The following ENTREP2 variants were observed in gnomAD, a reference collection of about 807,000 sequenced individuals.
ENTREP2 encodes protein ENTREP2.
chr15:29,406,677 A>C, the ENTREP2 span, among the ~76,000 whole-genome samples: 3 of 152,196 alleles, frequency 2.0e-5, no homozygotes, highest in Non-Finnish European at 2.9e-5. Context: ...AGAAGCTGCC[A>C]CTTACAACAA....
chr15:29,320,732 A>G, the ENTREP2 span, among the ~76,000 whole-genome samples: 1 of 152,232 alleles, frequency 6.6e-6, no homozygotes, highest in South Asian at 2.1e-4. Flanking sequence ...TGTAACAGAA[A>G]TGAAAATTGC....
At chr15:29,408,301 GAC>G in the ENTREP2 span, among the ~76,000 whole-genome samples, 1 of 152,138 alleles carries the variant, frequency 6.6e-6, no homozygotes, top group African/African-American at 2.4e-5. Context: ...AGAGGAGGGA[GAC>G]ACAAAAATAA....
the ENTREP2 span, among the ~76,000 whole-genome samples, chr15:29,645,339 A>T: frequency 6.6e-6 from 1 of 152,202 alleles, no homozygotes; most frequent in Non-Finnish European, 1.5e-5. Flanking sequence ...TGTGTCCAGC[A>T]TCAAAGGAGG....
the ENTREP2 span, among the ~76,000 whole-genome samples, chr15:29,167,610 C>T: frequency 6.6e-6 from 1 of 152,214 alleles, no homozygotes; most frequent in African/African-American, 2.4e-5. Context: ...ATCAAAACCA[C>T]AGTGTGATAC....
chr15:29,371,349 A>ACACACACACACACAC, the ENTREP2 span, among the ~76,000 whole-genome samples: 2 of 133,892 alleles, frequency 1.5e-5, no homozygotes, highest in African/African-American at 5.4e-5. Context: ...CACCCCCGCA[A>ACACACACACACACAC]ACACACACAC....
chr15:29,322,297 C>T, the ENTREP2 span, among the ~76,000 whole-genome samples: 98 of 152,232 alleles, frequency 6.4e-4, no homozygotes, highest in Non-Finnish European at 4.4e-5. Flanking sequence ...AAAATATATT[C>T]TATTGGCAAT....
the ENTREP2 span, among the ~76,000 whole-genome samples, chr15:29,656,289 G>A: frequency 3.3e-5 from 5 of 151,492 alleles, no homozygotes; most frequent in African/African-American, 9.7e-5. Context: ...GCAGTAGCAC[G>A]ATTTCAGCTC....
chr15:29,667,796 G>C, the ENTREP2 span, among the ~76,000 whole-genome samples: 1 of 152,128 alleles, frequency 6.6e-6, no homozygotes, highest in Admixed American at 6.6e-5. Flanking sequence ...ATGCCCGGCT[G>C]TCTTCAACAT....
the ENTREP2 span, among the ~76,000 whole-genome samples, chr15:29,341,903 A>G: frequency 6.6e-5 from 10 of 152,154 alleles, no homozygotes; most frequent in East Asian, 1.9e-3. Flanking sequence ...GTGGAGGAAA[A>G]TTTTTTTAAT....
At chr15:29,542,241 C>T in the ENTREP2 span, among the ~76,000 whole-genome samples, 64 of 152,118 alleles carry the variant, frequency 4.2e-4, no homozygotes, top group Middle Eastern at 3.4e-3. Context: ...TCTCAAACTC[C>T]CGACCTCAGG....
the ENTREP2 span, among the ~76,000 whole-genome samples, chr15:29,397,271 G>C: frequency 3.9e-5 from 6 of 152,084 alleles, no homozygotes; most frequent in African/African-American, 1.4e-4. Flanking sequence ...TGTGCCTGTA[G>C]TCCCAGCTAC....
chr15:29,362,313 ATT>A, the ENTREP2 span, among the ~76,000 whole-genome samples: 3 of 140,658 alleles, frequency 2.1e-5, no homozygotes, highest in Non-Finnish European at 4.7e-5. Context: ...TTTAATTATG[ATT>A]TTTGAGCACA....
chr15:29,658,941 G>A, the ENTREP2 span, among the ~76,000 whole-genome samples: 10 of 152,162 alleles, frequency 6.6e-5, no homozygotes, highest in Middle Eastern at 3.2e-3. Flanking sequence ...CCAACCTAAC[G>A]AAAATTCTTT....
At chr15:29,530,334 G>C in the ENTREP2 span, among the ~76,000 whole-genome samples, 2 of 152,152 alleles carry the variant, frequency 1.3e-5, no homozygotes, top group Non-Finnish European at 2.9e-5. Flanking sequence ...ATGGGGAAAA[G>C]TGGCCAGGGA....
chr15:29,404,222 C>T, the ENTREP2 span, among the ~76,000 whole-genome samples: 23 of 152,222 alleles, frequency 1.5e-4, no homozygotes, highest in Admixed American at 1.2e-3. Flanking sequence ...GGGAAAGGGA[C>T]TCAGTCTATG....
chr15:29,343,720 G>A, the ENTREP2 span, among the ~76,000 whole-genome samples: 6 of 152,144 alleles, frequency 3.9e-5, no homozygotes, highest in African/African-American at 9.7e-5. Flanking sequence ...GGAAGGATGA[G>A]GGAGGGGTGG....
At chr15:29,464,932 C>T in the ENTREP2 span, among the ~76,000 whole-genome samples, 4 of 152,208 alleles carry the variant, frequency 2.6e-5, no homozygotes, top group South Asian at 4.2e-4. Context: ...ACTTTTAAAG[C>T]GAACAGATGA....
chr15:29,598,277 G>A, the ENTREP2 span, among the ~76,000 whole-genome samples: 15 of 152,246 alleles, frequency 9.9e-5, no homozygotes, highest in East Asian at 1.3e-3. Flanking sequence ...TTGGATGTCC[G>A]CCATTCTAGT....
At chr15:29,570,403 C>T in the ENTREP2 span, 17 of 759,684 alleles carry the variant, frequency 2.2e-5, no homozygotes, top group Non-Finnish European at 3.0e-5. Context: ...CGTTGGCCGC[C>T]GGAACTTGCC....
Sources: gnomAD v4.1 joint callset for allele counts (sites outside exome capture counted in the v4.1 genomes callset) on GRCh38, gnomAD v4.1.1 for gene constraint, MANE v1.5 for transcripts, NCBI Gene and HGNC (gene_info 2026-07-23, HGNC 2026-07-21) for gene names.